CCDC7: variants seen among roughly 807,000 people sequenced by gnomAD.
The protein encoded by CCDC7 is coiled-coil domain containing 7.
CCDC7 carries 183 observed loss-of-function variants against 196.9 expected under a neutral mutation model. That is an observed-to-expected ratio of 0.93 (90% confidence interval 0.82 to 1.05). The LOEUF (loss-of-function observed/expected upper bound fraction) is 1.05. Among genes scored for constraint, CCDC7 ranks in the 50% least tolerant of loss-of-function variants. The pLI is 0.00. For missense variants in CCDC7, 1,540 were observed against 1,482.2 expected, an observed-to-expected ratio of 1.04 and a Z score of -0.64; for synonymous variants, 525 against 484.6, an observed-to-expected ratio of 1.08 and a Z score of -1.10.
chr10:32,616,815 T>C (rs988182165), intron 18 of CCDC7, among the ~76,000 whole-genome samples: 4 of 151,962 alleles, frequency 2.6e-5, no homozygotes, highest in African/African-American at 4.8e-5. Context: ...TTACCTGTTA[T>C]GTTGAAGTAT....
intron 28 of CCDC7, among the ~76,000 whole-genome samples, chr10:32,753,888 G>GT (rs960885736): frequency 6.6e-6 from 1 of 151,698 alleles, no homozygotes; most frequent in Non-Finnish European, 1.5e-5. Flanking sequence ...CATAAATTTC[G>GT]TTTTTTGTGA....
intron 23 of CCDC7, among the ~76,000 whole-genome samples, chr10:32,694,236 T>C (rs538288421): frequency 6.6e-6 from 1 of 152,338 alleles, no homozygotes; most frequent in South Asian, 2.1e-4. Flanking sequence ...TAATTGTCAC[T>C]TGTTTTTATT....
chr10:32,702,325 C>A (rs557740474), intron 24 of CCDC7, among the ~76,000 whole-genome samples: 3 of 152,086 alleles, frequency 2.0e-5, no homozygotes, highest in African/African-American at 7.2e-5. Flanking sequence ...TGTAGTTGAG[C>A]GGTTTTGAGT....
chr10:32,786,531 C>T (rs1005521535), intron 29 of CCDC7, among the ~76,000 whole-genome samples: 3 of 152,138 alleles, frequency 2.0e-5, no homozygotes, highest in Admixed American at 1.3e-4. Flanking sequence ...GAGGCCAAGG[C>T]GGGTGGATCA....
chr10:32,574,359 A>G, intron 16 of CCDC7: 1 of 1,202,154 alleles, frequency 8.3e-7, no homozygotes, highest in Non-Finnish European at 1.1e-6. Context: ...GCTAAATATA[A>G]TAAAAATTCA....
chr10:32,464,750 A>G (rs2036394295), intron 5 of CCDC7, among the ~76,000 whole-genome samples: 1 of 152,072 alleles, frequency 6.6e-6, no homozygotes, highest in Non-Finnish European at 1.5e-5. Context: ...GATTCATGCA[A>G]TTCCCTTGCC....
intron 18 of CCDC7, among the ~76,000 whole-genome samples, chr10:32,589,175 C>T (rs892525277): frequency 9.9e-5 from 15 of 152,084 alleles, no homozygotes; most frequent in African/African-American, 3.4e-4. Flanking sequence ...GTTAACCATC[C>T]TTCTACTCTC....
chr10:32,828,547 AAGAAGAAGAAGAAAG>A (rs1336189648), intron 32 of CCDC7, among the ~76,000 whole-genome samples: 87 of 146,888 alleles, frequency 5.9e-4, no homozygotes, highest in Non-Finnish European at 1.1e-3. Flanking sequence ...GAAGAAGAAG[AAGAAGAAGAAGAAAG>A]AAGAAGAAGA....
chr10:32,704,219 C>T (rs1314666632), intron 24 of CCDC7, among the ~76,000 whole-genome samples: 4 of 152,156 alleles, frequency 2.6e-5, no homozygotes, highest in Admixed American at 2.0e-4. Flanking sequence ...TGTTAGTTTT[C>T]CTTCCACAGT....
chr10:32,826,695 G>T (rs778566971), intron 32 of CCDC7, among the ~76,000 whole-genome samples: 3 of 152,188 alleles, frequency 2.0e-5, no homozygotes, highest in African/African-American at 7.2e-5. Flanking sequence ...GAAGAATAAG[G>T]CCTGGTTCCC....
rs115674957 is a variant in CCDC7 at position 32,696,524 on chromosome 10, G to A, written c.2458+1532G>A. Among the ~76,000 whole-genome samples the A allele has an allele frequency of 9.5e-3, 1,450 of 151,934 alleles. 24 individuals are homozygous for A. The highest frequency in any genetic ancestry group is 0.027 in the African/African-American group (1,113 of 41,428). On this transcript the variant is annotated intron_variant, in intron 24 of 41. Transcript: ENST00000639629. ...AAAAGATTTGCATAAAAATTGGCAGGGCTCTCTAATTCATTTCAAAATTCA... is the reference window on the plus strand; with the variant it reads ...AAAAGATTTGCATAAAAATTGGCAGAGCTCTCTAATTCATTTCAAAATTCA...
chr10:32,685,937 ATT>A lies in CCDC7; in HGVS notation c.2123-31_2123-30del, dbSNP rs551185281. On this transcript the variant is annotated intron_variant, in intron 21 of 41. Coordinates refer to ENST00000639629, the Ensembl canonical transcript of CCDC7. ...AATTTCACAAAAGATCCATTTTTCTATTTAGTGGAATAAATGTATTTTCTTTA... is the reference window on the plus strand; with the variant it reads ...AATTTCACAAAAGATCCATTTTTCTATAGTGGAATAAATGTATTTTCTTTA... 389 of 1,241,414 alleles carry A rather than the reference ATT, an allele frequency of 3.1e-4. 5 individuals carry two copies. The East Asian group carries it at 9.4e-3, about 30-fold the overall frequency. 76.9% of individuals were successfully genotyped at this position (1,241,414 alleles called of 1,614,324 possible). A position where few individuals can be genotyped will look rare whatever the true frequency, so the allele number is the denominator to read the frequency against.
chr10:32,624,659 T>C, intron 18 of CCDC7, among the ~76,000 whole-genome samples: 1 of 152,272 alleles, frequency 6.6e-6, no homozygotes, highest in African/African-American at 2.4e-5. Context: ...AGTGGCTACA[T>C]TCCATAAGGC....
chr10:32,631,982 T>C (rs73257470), intron 18 of CCDC7, among the ~76,000 whole-genome samples: 7 of 152,116 alleles, frequency 4.6e-5, no homozygotes, highest in Non-Finnish European at 7.4e-5. Flanking sequence ...TAATTTGAAA[T>C]CTTTGCTAAA....
Position 32,808,409 on chromosome 10 carries a change from C to G in CCDC7, c.3097+3311C>G, listed in dbSNP as rs78158382. ...ATTTACCACCACAGGCATCTGTGCA[C>G]TCTTCCTGGGTCCTGGAGGATGAAC... On this transcript the variant is annotated intron_variant, in intron 30 of 41. Coordinates refer to ENST00000639629, the Ensembl canonical transcript of CCDC7. 7.9e-3 allele frequency among the ~76,000 whole-genome samples: 1,204 copies of G among 152,286 alleles called. 7 individuals are homozygous for G. The highest frequency in any genetic ancestry group is 0.02 in the Middle Eastern group (6 of 294).
At position 32,721,217 on chromosome 10, in the gene CCDC7, G is replaced by A. The variant is rs577344671; in HGVS notation, c.2570-5517G>A. ...TTATAACACTATTTTATGGCTATGA[G>A]TCATAGACTCAGTATCCACCAATGT... On this transcript the variant is annotated intron_variant, in intron 25 of 41. Transcript: ENST00000639629. 2.0e-5 allele frequency among the ~76,000 whole-genome samples: 3 copies of A among 152,260 alleles called. No individual in the cohort carries two copies. The South Asian group carries it at 6.2e-4, about 32-fold the overall frequency.
intron 9 of CCDC7, 45 bp from the exon 11 acceptor site, chr10:32,517,899 TA>T (rs749465601): frequency 7.7e-6 from 12 of 1,561,326 alleles, no homozygotes; most frequent in African/African-American, 1.4e-5. Flanking sequence ...TAAATTAAAA[TA>T]TAAATGTACA....
intron 20 of CCDC7, among the ~76,000 whole-genome samples, chr10:32,636,419 C>G (rs1404889145): frequency 1.3e-5 from 2 of 152,150 alleles, no homozygotes; most frequent in African/African-American, 4.8e-5. Context: ...TGATGTTCCC[C>G]TTCCTGTGTC....
intron 21 of CCDC7, chr10:32,675,954 T>A (rs1444230913): frequency 5.9e-5 from 9 of 151,418 alleles, no homozygotes; most frequent in Non-Finnish European, 1.3e-4. Flanking sequence ...AGAACAGAGC[T>A]GGAGGCATCA....
Sources: gnomAD v4.1 joint callset for allele counts (sites outside exome capture counted in the v4.1 genomes callset) on GRCh38, gnomAD v4.1.1 for gene constraint, MANE v1.5 for transcripts, NCBI Gene and HGNC (gene_info 2026-07-23, HGNC 2026-07-21) for gene names.